PEX3: variants seen among roughly 807,000 people sequenced by gnomAD.
PEX3 encodes the protein peroxisomal biogenesis factor 3.
Under a neutral mutation model 55.8 loss-of-function variants are expected in PEX3, and 30 were observed. That is an observed-to-expected ratio of 0.54 (90% CI 0.40 to 0.73). PEX3 has a LOEUF of 0.73. Ranked by LOEUF, PEX3 falls within the 30% of genes least tolerant of loss-of-function variation. PEX3 has a pLI of 0.00. For synonymous variants in PEX3, 135 were observed against 148.4 expected (o/e 0.91, Z 0.66); for missense variants, 351 against 432.8 (o/e 0.81, Z 1.68).
chr6:143,456,931 TAC>T (rs1410540827), intron 1 of PEX3, among the ~76,000 whole-genome samples: 1 of 152,196 alleles, frequency 6.6e-6, no homozygotes, highest in African/African-American at 2.4e-5. Flanking sequence ...AGACCAAATG[TAC>T]ACACTTATAT....
In PEX3 at chr6:143,459,002, T is replaced by C. The variant is rs1036595859; in HGVS notation, c.74-83T>C. Reference sequence around the variant, plus strand: ...TTTTAGCTATCCACTAATATAAAACTTATAATTGCATAAAGTAGGTTAAAA... The same window carrying C: ...TTTTAGCTATCCACTAATATAAAACCTATAATTGCATAAAGTAGGTTAAAA... On this transcript the variant is annotated intron_variant, in intron 1 of 11. Transcript: ENST00000367591. The surrounding 1 kb of genome is among the most constrained non-coding windows in gnomAD (Gnocchi z 4.2). 1.1e-6 allele frequency: 1 copy of C among 922,572 alleles called. No homozygotes were observed. The highest frequency in any genetic ancestry group is 1.7e-6 in the Non-Finnish European group (1 of 579,170). 57.1% of individuals were successfully genotyped at this position (922,572 alleles called of 1,614,324 possible).
rs1409793696 is a variant in PEX3 at position 143,488,265 on chromosome 6, C to T, written c.1039-878C>T. On this transcript the variant is annotated intron_variant, in intron 11 of 11. Coordinates refer to ENST00000367591, the MANE Select transcript of PEX3 (RefSeq NM_003630.3). This position sits in a 1 kb window ranked among gnomAD's most constrained non-coding sequence, Gnocchi z 4.9. ...TTTGACACTCTCAGAGGCTGTCAACCTTTTCTATCATGGACCCTTTCACAG... is the reference window on the plus strand; with the variant it reads ...TTTGACACTCTCAGAGGCTGTCAACTTTTTCTATCATGGACCCTTTCACAG... Among the ~76,000 whole-genome samples, 1 of 152,072 alleles carries T rather than the reference C, an allele frequency of 6.6e-6. No individual in the cohort carries two copies. The highest frequency in any genetic ancestry group is 1.5e-5 in the Non-Finnish European group (1 of 67,974).
rs113108776 is a variant in PEX3, at chr6:143,479,795, T to C, written c.941+597T>C. On this transcript the variant is annotated intron_variant, in intron 10 of 11. Transcript: ENST00000367591. The surrounding 1 kb of genome is among the most constrained non-coding windows in gnomAD (Gnocchi z 4.6). ...TATCTTACGGTTTTTTATATCTTTG[T>C]TATCCCAACACAAATATCTTTGGTC... Among the ~76,000 whole-genome samples the C allele has an allele frequency of 0.013, 1,943 of 152,208 alleles. 33 individuals carry two copies. The highest frequency in any genetic ancestry group is 0.044 in the African/African-American group (1,831 of 41,558).
At position 143,486,792 on chromosome 6, in the gene PEX3, G is replaced by C. The variant is rs868695103; in HGVS notation, c.1038+1544G>C. ...TAGGAGAGCCTATGGTGGGAATGCT[G>C]TAGAACAGGGGTTTGGCAAACTGTA... On this transcript the variant is annotated intron_variant, in intron 11 of 11. Coordinates refer to ENST00000367591, the MANE Select transcript of PEX3 (RefSeq NM_003630.3). This position sits in a 1 kb window ranked among gnomAD's most constrained non-coding sequence, Gnocchi z 5.0. Among the ~76,000 whole-genome samples, 4 of 152,158 alleles carry C rather than the reference G, an allele frequency of 2.6e-5. No homozygotes were observed. Among genetic ancestry groups the C allele is most frequent in the African/African-American group, 9.7e-5 (4 of 41,438 alleles).
rs1332523001 is a variant in PEX3 at position 143,466,172 on chromosome 6, A to G, written c.288-1950A>G. Among the ~76,000 whole-genome samples the G allele has an allele frequency of 6.6e-6, 1 of 152,042 alleles. No individual in the cohort carries two copies. The highest frequency in any genetic ancestry group is 2.4e-5 in the African/African-American group (1 of 41,432). ...CCATCTGTATACAATAGTCCCATCC[A>G]CCTTATCCATGGTTTCACTTTCCAA... On this transcript the variant is annotated intron_variant, in intron 3 of 11. Transcript: ENST00000367591. The surrounding 1 kb of genome is among the most constrained non-coding windows in gnomAD (Gnocchi z 5.4).
chr6:143,457,083 C>T (rs924166292), intron 1 of PEX3, among the ~76,000 whole-genome samples: 10 of 152,148 alleles, frequency 6.6e-5, no homozygotes, highest in African/African-American at 2.4e-4. Context: ...GAAAAAAATT[C>T]TTAGCTGTGC....
intron 2 of PEX3, among the ~76,000 whole-genome samples, chr6:143,461,065 G>C (rs1000480292): frequency 1.3e-5 from 2 of 152,056 alleles, no homozygotes; most frequent in Non-Finnish European, 2.9e-5. Context: ...GAAGCATTTA[G>C]GCCACAGTGC....
At chr6:143,470,808 CTG>C (rs1296858780) in intron 4 of PEX3, among the ~76,000 whole-genome samples, 151 bp from the exon 5 acceptor site, 1 of 152,064 alleles carries the variant, frequency 6.6e-6, no homozygotes, top group Non-Finnish European at 1.5e-5. Context: ...TGAGGAGAGA[CTG>C]AAATATTTTG....
At position 143,463,488 on chromosome 6, in the gene PEX3, A is replaced by T. The variant is rs771368082; in HGVS notation, c.287+491A>T. ...TGCAATACTAATAATTTACATTGCC[A>T]TGGCAGTTTGCTGTTTCCAAAAGCA... On this transcript the variant is annotated intron_variant, in intron 3 of 11. Coordinates refer to ENST00000367591, the MANE Select transcript of PEX3 (RefSeq NM_003630.3). This position sits in a 1 kb window ranked among gnomAD's most constrained non-coding sequence, Gnocchi z 5.7. Among the ~76,000 whole-genome samples the T allele has an allele frequency of 2.6e-4, 40 of 152,226 alleles. No homozygotes were observed. Among genetic ancestry groups the T allele is most frequent in the Non-Finnish European group, 4.4e-4 (30 of 68,016 alleles).
At position 143,471,331 on chromosome 6, in the gene PEX3, T is replaced by C; in HGVS notation, c.457-52T>C. 3 of 1,324,694 alleles carry C rather than the reference T, an allele frequency of 2.3e-6. No individual in the cohort carries two copies. The highest frequency in any genetic ancestry group is 1.2e-5 in the South Asian group (1 of 82,004). 82.1% of individuals were successfully genotyped at this position (1,324,694 alleles called of 1,614,324 possible). Reference sequence around the variant, plus strand: ...CCAAAGTTTTATTGAAAACATTTCTTATTTACCAGTTTAAAACTTGGATAA... The same window carrying C: ...CCAAAGTTTTATTGAAAACATTTCTCATTTACCAGTTTAAAACTTGGATAA... On this transcript the variant is annotated intron_variant, in intron 5 of 11. Coordinates refer to ENST00000367591, the MANE Select transcript of PEX3 (RefSeq NM_003630.3). This position sits in a 1 kb window ranked among gnomAD's most constrained non-coding sequence, Gnocchi z 5.4.
At chr6:143,467,489 C>T (rs899407654) in intron 3 of PEX3, among the ~76,000 whole-genome samples, 2 of 152,032 alleles carry the variant, frequency 1.3e-5, no homozygotes, top group Non-Finnish European at 2.9e-5. Flanking sequence ...CTACCATTTC[C>T]TGCTATGAGA....
chr6:143,455,370 T>G (rs1779831919), intron 1 of PEX3, among the ~76,000 whole-genome samples: 1 of 135,282 alleles, frequency 7.4e-6, no homozygotes, highest in African/African-American at 2.8e-5. Context: ...TTTTTTTTTT[T>G]TTTTTTTTTT....
chr6:143,480,144 A>G (rs1780215277), intron 10 of PEX3, among the ~76,000 whole-genome samples: 2 of 152,152 alleles, frequency 1.3e-5, no homozygotes, highest in African/African-American at 4.8e-5. Flanking sequence ...TTACAGCCAT[A>G]AAGTATATTC....
At position 143,465,786 on chromosome 6, in the gene PEX3, T is replaced by C. The variant is rs1779983554; in HGVS notation, c.288-2336T>C. Among the ~76,000 whole-genome samples, 1 of 151,976 alleles carries C rather than the reference T, an allele frequency of 6.6e-6. No individual in the cohort carries two copies. Among genetic ancestry groups the C allele is most frequent in the Non-Finnish European group, 1.5e-5 (1 of 67,888 alleles). ...CAACACATTTTCTGAACCTGTGCCA[T>C]CTAGGAAAGAGGTAACTGAAACTAT... On this transcript the variant is annotated intron_variant, in intron 3 of 11. Transcript: ENST00000367591. This position sits in a 1 kb window ranked among gnomAD's most constrained non-coding sequence, Gnocchi z 4.7.
rs536619655 is a variant in PEX3 at position 143,465,465 on chromosome 6, C to T, written c.287+2468C>T. ...TTTTTTAGATAGAGTCTTACTCTGT[C>T]GCCCAAGCTGGAGTACAGTGGCACA... is the stretch of plus-strand genomic sequence containing the variant. On this transcript the variant is annotated intron_variant, in intron 3 of 11. Transcript: ENST00000367591. This position sits in a 1 kb window ranked among gnomAD's most constrained non-coding sequence, Gnocchi z 4.7. Among the ~76,000 whole-genome samples the T allele has an allele frequency of 1.3e-5, 2 of 151,874 alleles. No homozygotes were observed. The highest frequency in any genetic ancestry group is 2.9e-5 in the Non-Finnish European group (2 of 67,830).
At position 143,490,005 on chromosome 6, in the gene PEX3, A is replaced by G. The variant is rs1291331693; in HGVS notation, c.*779A>G. Reference sequence around the variant, plus strand: ...TCTTATTGCAATAAACTATTTTAGTAAAATATTATTTTGTTGAGTTAATAT... The same window carrying G: ...TCTTATTGCAATAAACTATTTTAGTGAAATATTATTTTGTTGAGTTAATAT... On this transcript the variant is annotated 3_prime_UTR_variant, in exon 12 of 12. Coordinates refer to ENST00000367591, the MANE Select transcript of PEX3 (RefSeq NM_003630.3). The surrounding 1 kb of genome is among the most constrained non-coding windows in gnomAD (Gnocchi z 6.0). The G allele has an allele frequency of 6.6e-6, 1 of 152,186 alleles. No individual in the cohort carries two copies. The highest frequency in any genetic ancestry group is 1.5e-5 in the Non-Finnish European group (1 of 68,004). The allele number at this position is 152,186 out of a possible 1,614,324, so 9.4% of individuals were successfully genotyped here.
intron 9 of PEX3, among the ~76,000 whole-genome samples, chr6:143,477,183 C>G (rs12199192): frequency 0.22 from 32,948 of 151,942 alleles, 3,684 homozygotes; most frequent in Non-Finnish European, 0.22. Context: ...AGACCAAGCA[C>G]AGACAACTGT....
At chr6:143,457,386 T>C (rs1048417461) in intron 1 of PEX3, among the ~76,000 whole-genome samples, 18 of 152,204 alleles carry the variant, frequency 1.2e-4, no homozygotes, top group African/African-American at 4.1e-4. Context: ...TAATTGCATA[T>C]AAACATAGCA....
In PEX3 at chr6:143,468,130, A is replaced by G; in HGVS notation, c.296A>G (p.Asn99Ser). 1 of 1,571,008 alleles carries G rather than the reference A, an allele frequency of 6.4e-7. No individual in the cohort carries two copies. Among genetic ancestry groups the G allele is most frequent in the Non-Finnish European group, 8.8e-7 (1 of 1,142,786 alleles). The change falls in exon 4 of 12, where the codon AAC (asparagine) becomes AGC (serine). Residue 99 changes from asparagine to serine, a missense_variant. Asn to Ser is a conservative substitution (Grantham distance 46, BLOSUM62 1). Coordinates refer to ENST00000367591, the MANE Select transcript of PEX3 (RefSeq NM_003630.3). Reference sequence around the variant, plus strand: ...TAAATTTTGTTCTTTAGGCCTTCAAACAAGCTAGAAATATGGGAGGATCTG... The same window carrying G: ...TAAATTTTGTTCTTTAGGCCTTCAAGCAAGCTAGAAATATGGGAGGATCTG... ...LTALLKNRPS[N>S]KLEIWEDLKI...
Sources: allele counts gnomAD v4.1 joint callset (sites outside exome capture counted in the v4.1 genomes callset), GRCh38; gene constraint gnomAD v4.1.1; non-coding constraint Gnocchi (gnomAD v3.1); transcripts MANE v1.5; gene names NCBI Gene and HGNC (gene_info 2026-07-23, HGNC 2026-07-21).